The following CCDC102A variants were observed in gnomAD, a reference collection of about 807,000 sequenced individuals.
CCDC102A encodes coiled-coil domain-containing protein 102A.
Under a neutral mutation model 55.5 loss-of-function variants are expected in CCDC102A, and 40 were observed. That is an observed-to-expected ratio of 0.72 (90% confidence interval 0.56 to 0.94). CCDC102A has a LOEUF of 0.94. CCDC102A is among the 40% of genes least tolerant of loss of function. The pLI is 0.00. For missense variants in CCDC102A, 779 were observed against 768.6 expected, an observed-to-expected ratio of 1.01 and a Z score of -0.16; for synonymous variants, 323 against 339.0, an observed-to-expected ratio of 0.95 and a Z score of 0.52.
At chr16:57,521,313 G>A (rs1440592677) in intron 3 of CCDC102A, 137 bp from the exon 4 acceptor site, 6 of 659,700 alleles carry the variant, frequency 9.1e-6, no homozygotes, top group Non-Finnish European at 1.6e-5. Context: ...TCAGGCCCAG[G>A]CACCCTATGT....
At position 57,518,269 on chromosome 16, in the gene CCDC102A, C is replaced by T. The variant is rs757377517; in HGVS notation, c.1047G>A (p.Arg349=). ...ACTCCGCAGCGTTTTCGGCCTGCAG[C>T]CGCTCCATCTGCAGCAGGGCAGGGC... is the stretch of plus-strand genomic sequence containing the variant. ...KMAELRGEME[R]LQAENAAEWG... The change falls in exon 6 of 9, where the codon CGG becomes CGA. Residue 349 remains arginine, a synonymous_variant. Coordinates refer to ENST00000258214, the MANE Select transcript of CCDC102A (RefSeq NM_033212.4). 6.2e-7 allele frequency: 1 copy of T among 1,608,792 alleles called. No individual in the cohort carries two copies. The highest frequency in any genetic ancestry group is 8.5e-7 in the Non-Finnish European group (1 of 1,179,884).
intron 8 of CCDC102A, among the ~76,000 whole-genome samples, chr16:57,514,945 G>GTCCCTGCTCACCAGTCTCTCAGA (rs2031927325): frequency 6.6e-6 from 1 of 152,104 alleles, no homozygotes; most frequent in Non-Finnish European, 1.5e-5. Flanking sequence ...CCCTCCACGA[G>GTCCCTGCTCACCAGTCTCTCAGA]TCCCTGCTCA....
At chr16:57,512,973 T>C in intron 8 of CCDC102A, 103 bp from the exon 9 acceptor site, 1 of 914,114 alleles carries the variant, frequency 1.1e-6, no homozygotes, top group Non-Finnish European at 1.7e-6. Flanking sequence ...CCTGGTGCTT[T>C]CCCTGCTGTC....
At chr16:57,513,266 C>G (rs186194600) in intron 8 of CCDC102A, among the ~76,000 whole-genome samples, 1 of 152,268 alleles carries the variant, frequency 6.6e-6, no homozygotes, top group African/African-American at 2.4e-5. Flanking sequence ...GTGGGCTGAG[C>G]CCTCTACATT....
intron 3 of CCDC102A, among the ~76,000 whole-genome samples, chr16:57,523,504 C>CT (rs2032085176): frequency 6.6e-6 from 1 of 151,112 alleles, no homozygotes; most frequent in Admixed American, 6.6e-5. Context: ...GACAGCGTCT[C>CT]TCTCTGTCAC....
intron 8 of CCDC102A, among the ~76,000 whole-genome samples, chr16:57,514,292 T>C (rs1032804908): frequency 2.6e-5 from 4 of 152,162 alleles, no homozygotes; most frequent in African/African-American, 9.7e-5. Context: ...TATGAACTCC[T>C]GAGCTCAAGT....
chr16:57,517,582 G>C (rs186009333), intron 6 of CCDC102A, among the ~76,000 whole-genome samples: 2 of 152,302 alleles, frequency 1.3e-5, no homozygotes, highest in Admixed American at 1.3e-4. Context: ...GACCTCAGGT[G>C]ATCTGCCCAC....
At chr16:57,527,460 C>T (rs376689940) in intron 2 of CCDC102A, among the ~76,000 whole-genome samples, 4 of 145,930 alleles carry the variant, frequency 2.7e-5, no homozygotes, top group African/African-American at 7.8e-5. Flanking sequence ...ACTCTCGTTG[C>T]CCAGGCTGGA....
chr16:57,531,295 A>T (rs909716195), intron 1 of CCDC102A, among the ~76,000 whole-genome samples: 2 of 148,526 alleles, frequency 1.3e-5, no homozygotes, highest in Non-Finnish European at 1.5e-5. Context: ...CCTTCCAGAG[A>T]AGGCACTTCC....
rs909870392 is a variant in CCDC102A, at chr16:57,536,545, G to C, written c.-193C>G. 1 of 152,158 alleles carries C rather than the reference G, an allele frequency of 6.6e-6. No individual in the cohort carries two copies. Among genetic ancestry groups the C allele is most frequent in the African/African-American group, 2.4e-5 (1 of 41,452 alleles). 9.4% of individuals were successfully genotyped at this position (152,158 alleles called of 1,614,324 possible). A position where few individuals can be genotyped will look rare whatever the true frequency, so the allele number is the denominator to read the frequency against. On this transcript the variant is annotated 5_prime_UTR_variant, in exon 1 of 9. Coordinates refer to ENST00000258214, the MANE Select transcript of CCDC102A (RefSeq NM_033212.4). Reference sequence around the variant, plus strand: ...CTCCGTACGTCCCAGCCGCTGCGGCGGGGTAGAGCGGGCACCGTGCAGCTG... The same window carrying C: ...CTCCGTACGTCCCAGCCGCTGCGGCCGGGTAGAGCGGGCACCGTGCAGCTG...
In CCDC102A at chr16:57,528,731, C is replaced by T; in HGVS notation, c.447G>A (p.Glu149=). Residue 149 remains glutamate, a synonymous_variant, in exon 2 of 9, where the codon GAG becomes GAA. Coordinates refer to ENST00000258214, the MANE Select transcript of CCDC102A (RefSeq NM_033212.4). ...ARRERQEAQG[E]CEARGRELAR... ...CCAGCTCGCGGCCCCGTGCCTCGCA[C>T]TCGCCCTGCGCCTCTTGGCGCTCGC... 1 of 1,162,940 alleles carries T rather than the reference C, an allele frequency of 8.6e-7. No homozygotes were observed. The highest frequency in any genetic ancestry group is 1.1e-6 in the Non-Finnish European group (1 of 935,526). 72.0% of individuals were successfully genotyped at this position (1,162,940 alleles called of 1,614,324 possible). A position where few individuals can be genotyped will look rare whatever the true frequency, so the allele number is the denominator to read the frequency against.
In CCDC102A at chr16:57,514,646, C is replaced by T. The variant is rs139977701; in HGVS notation, c.1523+695G>A. Reference sequence around the variant, plus strand: ...GGCCACACAGCTGCTAATGCTGAGCCAGGCTTCAGACCATTCAGGCAGTCT... The same window carrying T: ...GGCCACACAGCTGCTAATGCTGAGCTAGGCTTCAGACCATTCAGGCAGTCT... On this transcript the variant is annotated intron_variant, in intron 8 of 8. Transcript: ENST00000258214. 1.0e-3 allele frequency among the ~76,000 whole-genome samples: 159 copies of T among 152,328 alleles called. 1 individual carries two copies. The highest frequency in any genetic ancestry group is 1.2e-3 in the East Asian group (6 of 5,190).
At chr16:57,534,891 C>T (rs747479587) in intron 1 of CCDC102A, among the ~76,000 whole-genome samples, 3 of 152,286 alleles carry the variant, frequency 2.0e-5, no homozygotes, top group African/African-American at 4.8e-5. Context: ...CTGGGAACAG[C>T]GTTGTGTTTT....
chr16:57,536,763 G>T (rs2032403609), upstream of CCDC102A, among the ~76,000 whole-genome samples: 1 of 152,138 alleles, frequency 6.6e-6, no homozygotes, highest in African/African-American at 2.4e-5. Context: ...CCGGGGCGGT[G>T]GGCTCTGCTG....
intron 7 of CCDC102A, among the ~76,000 whole-genome samples, chr16:57,515,647 A>G (rs1020299705): frequency 6.7e-6 from 1 of 149,680 alleles, no homozygotes. Flanking sequence ...CTCCTCTTGC[A>G]CATCTACCCA....
intron 3 of CCDC102A, among the ~76,000 whole-genome samples, chr16:57,524,266 A>G (rs1300582866): frequency 6.6e-6 from 1 of 151,814 alleles, no homozygotes; most frequent in Non-Finnish European, 1.5e-5. Flanking sequence ...TGGGGCCGCC[A>G]CCTCCTGGAG....
rs1332789967 is a variant in CCDC102A, at chr16:57,516,716, C to A, written c.1249-253G>T. On this transcript the variant is annotated intron_variant, in intron 6 of 8. Coordinates refer to ENST00000258214, the MANE Select transcript of CCDC102A (RefSeq NM_033212.4). The surrounding 1 kb of genome is among the most constrained non-coding windows in gnomAD (Gnocchi z 4.4). ...GGCTCCGGTTTGGATGTGTAACTTT[C>A]AGATGCTACTGGATCTACCCTGGAG... is the stretch of plus-strand genomic sequence containing the variant. 2 of 558,984 alleles carry A rather than the reference C, an allele frequency of 3.6e-6. No individual in the cohort carries two copies. Among genetic ancestry groups the A allele is most frequent in the Non-Finnish European group, 6.4e-6 (2 of 311,326 alleles). 34.6% of individuals were successfully genotyped at this position (558,984 alleles called of 1,614,324 possible).
intron 3 of CCDC102A, among the ~76,000 whole-genome samples, chr16:57,524,965 C>CT (rs1567604179): frequency 6.6e-6 from 1 of 152,206 alleles, no homozygotes; most frequent in East Asian, 1.9e-4. Context: ...CTTGTCTCCT[C>CT]TGCTGTTTCC....
In CCDC102A at chr16:57,512,575, G is replaced by T; in HGVS notation, c.*166C>A. 1 of 752,386 alleles carries T rather than the reference G, an allele frequency of 1.3e-6. No individual in the cohort carries two copies. The highest frequency in any genetic ancestry group is 2.2e-6 in the Non-Finnish European group (1 of 462,990). 46.6% of individuals were successfully genotyped at this position (752,386 alleles called of 1,614,324 possible). ...AAAACATAGGCTTCCTTTCCACAGG[G>T]CGTTGGTAGGTGGGACTGTTGACGC... On this transcript the variant is annotated 3_prime_UTR_variant, in exon 9 of 9. Transcript: ENST00000258214.
Sources: allele counts gnomAD v4.1 joint callset (sites outside exome capture counted in the v4.1 genomes callset), GRCh38; gene constraint gnomAD v4.1.1; non-coding constraint Gnocchi (gnomAD v3.1); transcripts MANE v1.5; gene names NCBI Gene and HGNC (gene_info 2026-07-23, HGNC 2026-07-21).